The following HMMR variants were observed in gnomAD, a reference collection of about 807,000 sequenced individuals.
HMMR encodes hyaluronan mediated motility receptor.
HMMR carries 108 observed loss-of-function variants against 101.0 expected under a neutral mutation model. The ratio of observed to expected loss-of-function variants is 1.07; its 90% CI spans 0.92 to 1.25. HMMR has a LOEUF of 1.25. Ranked by LOEUF, HMMR falls within the 50% of genes most tolerant of loss-of-function variation. The pLI is 0.00. For missense variants in HMMR, 813 were observed against 788.7 expected (o/e 1.03, Z -0.37); for synonymous variants, 296 against 276.4 (o/e 1.07, Z -0.70).
At chr5:163,471,570 T>C (rs903062035) in intron 7 of HMMR, 107 bp downstream of exon 7, 2 of 670,218 alleles carry the variant, frequency 3.0e-6, no homozygotes, top group Non-Finnish European at 5.1e-6. Flanking sequence ...TTAGTACTTA[T>C]CTCATTGCCT....
intron 7 of HMMR, among the ~76,000 whole-genome samples, chr5:163,472,159 A>G (rs1163786429): frequency 2.0e-5 from 3 of 151,996 alleles, no homozygotes; most frequent in African/African-American, 4.8e-5. Flanking sequence ...AGTTATAGAC[A>G]TGGGCCACTA....
intron 7 of HMMR, 112 bp downstream of exon 7, chr5:163,471,575 T>C (rs1157169665): frequency 1.5e-6 from 1 of 659,960 alleles, no homozygotes; most frequent in Non-Finnish European, 2.6e-6. Flanking sequence ...ACTTATCTCA[T>C]TGCCTCCCTC....
At chr5:163,490,367 A>G (rs1759647712) in intron 16 of HMMR, 23 bp from the exon 17 acceptor site, 2 of 1,455,712 alleles carry the variant, frequency 1.4e-6, no homozygotes, top group South Asian at 2.5e-5. Flanking sequence ...ATTGTTTATT[A>G]CCTATTATTT....
Position 163,473,165 on chromosome 5 carries a change from A to C in HMMR, c.651-14A>C, listed in dbSNP as rs376818495. On this transcript the variant is annotated splice_polypyrimidine_tract_variant and intron_variant, in intron 7 of 17. Coordinates refer to ENST00000393915, the MANE Select transcript of HMMR (RefSeq NM_001142556.2). ...GAAACTAGAATGTATTAACATATGC[A>C]ATTTTTGTTTTAGTGTTTCAATAGA... 7.5e-6 allele frequency: 10 copies of C among 1,330,712 alleles called. No individual in the cohort carries two copies. The highest frequency in any genetic ancestry group is 7.1e-5 in the Admixed American group (4 of 56,666). 82.4% of individuals were successfully genotyped at this position (1,330,712 alleles called of 1,614,324 possible).
chr5:163,485,959 T>C (rs1759464077), intron 16 of HMMR, among the ~76,000 whole-genome samples: 1 of 152,224 alleles, frequency 6.6e-6, no homozygotes, highest in Admixed American at 6.5e-5. Context: ...ATTTAGACTG[T>C]ACATGTATGG....
chr5:163,474,183 A>T lies in HMMR; in HGVS notation c.1031A>T (p.Asp344Val), dbSNP rs1239734007. The change falls in exon 10 of 18, where the codon GAT (aspartate) becomes GTT (valine). Residue 344 changes from aspartate (D) to valine (V), a missense_variant. Transcript: ENST00000393915. ...CTTCAACAAAAAGAATTACAAATTG[A>T]TTCACTTCTGCAACAAGAGAAAGTA... ...EKLQQKELQI[D>V]SLLQQEKELS... The T allele has an allele frequency of 1.2e-6, 2 of 1,608,066 alleles. No individual in the cohort carries two copies. Among genetic ancestry groups the T allele is most frequent in the Admixed American group, 1.7e-5 (1 of 58,896 alleles).
At position 163,491,767 on chromosome 5, in the gene HMMR, C is replaced by T. The variant is rs1029215843; in HGVS notation, c.*603C>T. 2 of 152,180 alleles carry T rather than the reference C, an allele frequency of 1.3e-5. No individual in the cohort carries two copies. Among genetic ancestry groups the T allele is most frequent in the Non-Finnish European group, 1.5e-5 (1 of 68,038 alleles). 9.4% of individuals were successfully genotyped at this position (152,180 alleles called of 1,614,324 possible). A position where few individuals can be genotyped will look rare whatever the true frequency, so the allele number is the denominator to read the frequency against. Reference sequence around the variant, plus strand: ...ATCTGTGGATTGGCCTTTAAGCCTGCATTCTTAACAAACTCTTCAGTTAAT... The same window carrying T: ...ATCTGTGGATTGGCCTTTAAGCCTGTATTCTTAACAAACTCTTCAGTTAAT... On this transcript the variant is annotated 3_prime_UTR_variant, in exon 18 of 18. Coordinates refer to ENST00000393915, the MANE Select transcript of HMMR (RefSeq NM_001142556.2).
chr5:163,478,562 A>C, intron 11 of HMMR, 122 bp from the exon 12 acceptor site: 1 of 654,546 alleles, frequency 1.5e-6, no homozygotes, highest in South Asian at 1.8e-5. Context: ...GCTATTTAGC[A>C]GGTAATGCAG....
rs1432622615 is a variant in HMMR at position 163,483,059 on chromosome 5, A to G, written c.1572A>G (p.Glu524=). 1 of 1,612,582 alleles carries G rather than the reference A, an allele frequency of 6.2e-7. No individual in the cohort carries two copies. The highest frequency in any genetic ancestry group is 1.3e-5 in the African/African-American group (1 of 74,806). ...LDLQTKSALK[E]TEIKEITVSF... ...TGCAGACCAAGTCAGCACTAAAGGA[A>G]ACAGAAATTAAAGAAATCACAGTTT... The change falls in exon 14 of 18, where the codon GAA becomes GAG. Residue 524 remains glutamate, a synonymous_variant. Transcript: ENST00000393915.
chr5:163,461,101 A>T (rs926220901), intron 1 of HMMR, among the ~76,000 whole-genome samples: 1 of 152,198 alleles, frequency 6.6e-6, no homozygotes, highest in Non-Finnish European at 1.5e-5. Context: ...CTGGAGTATT[A>T]CTTGTAGTCT....
intron 16 of HMMR, among the ~76,000 whole-genome samples, chr5:163,485,299 G>A (rs186799617): frequency 9.9e-5 from 15 of 152,164 alleles, no homozygotes; most frequent in Middle Eastern, 3.4e-3. Flanking sequence ...TTCTACAGGC[G>A]GTGTACGAGG....
chr5:163,472,011 A>G (rs299282), intron 7 of HMMR, among the ~76,000 whole-genome samples: 15,549 of 151,570 alleles, frequency 0.1, 858 homozygotes, highest in Middle Eastern at 0.13. Context: ...TTACATCATC[A>G]TAAATTAGCT....
intron 16 of HMMR, among the ~76,000 whole-genome samples, chr5:163,487,071 A>G (rs1277771730): frequency 1.3e-5 from 2 of 152,224 alleles, no homozygotes; most frequent in African/African-American, 4.8e-5. Context: ...TAAAAAAAAC[A>G]AAGATGTCGA....
At chr5:163,473,709 C>T in intron 9 of HMMR, 152 bp downstream of exon 9, 1 of 544,220 alleles carries the variant, frequency 1.8e-6, no homozygotes, top group South Asian at 3.0e-5. Context: ...ACAGCAAAAA[C>T]CTGTACTGCA....
rs1013997641 is a variant in HMMR at position 163,464,753 on chromosome 5, A to T, written c.176A>T (p.Asp59Val). The stretch of plus-strand genomic sequence containing the variant: ...AAACAAAATCTTAATGTTGACAAAG[A>T]TACTACCTTGCCTGCTTCAGCTAGA... ...ESKQNLNVDK[D>V]TTLPASARKV... The change falls in exon 3 of 18, where the codon GAT becomes GTT. Residue 59 changes from aspartate (D) to valine (V), a missense_variant. Coordinates refer to ENST00000393915, the MANE Select transcript of HMMR (RefSeq NM_001142556.2). 6.2e-7 allele frequency: 1 copy of T among 1,613,026 alleles called. No homozygotes were observed. The highest frequency in any genetic ancestry group is 8.5e-7 in the Non-Finnish European group (1 of 1,179,100).
chr5:163,474,137 G>C lies in HMMR; in HGVS notation c.985G>C (p.Glu329Gln), dbSNP rs1000946454. 2.5e-6 allele frequency: 4 copies of C among 1,611,118 alleles called. No homozygotes were observed. The African/African-American group carries it at 4.0e-5, about 16-fold the overall frequency. The change falls in exon 10 of 18, where the codon GAA (glutamate) becomes CAA (glutamine). Residue 329 changes from glutamate (E) to glutamine (Q), a missense_variant. Transcript: ENST00000393915. ...AAACTTAAAACAGAAGTTTATTCTT[G>C]AACAACAGGAACGTGAAAAGCTTCA... is the stretch of plus-strand genomic sequence containing the variant. Reference protein sequence around the residue: ...MQNLKQKFILEQQEREKLQQK... With the variant: ...MQNLKQKFILQQQEREKLQQK...
chr5:163,478,658 A>T, intron 11 of HMMR, 26 bp from the exon 12 acceptor site: 1 of 1,379,064 alleles, frequency 7.3e-7, no homozygotes, highest in Non-Finnish European at 1.0e-6. Context: ...GTGGCATTTT[A>T]TCTTTCAATT....
rs1245948077 is a variant in HMMR at position 163,460,770 on chromosome 5, A to T, written c.46+32A>T. On this transcript the variant is annotated intron_variant, in intron 1 of 17. Transcript: ENST00000393915. ...AAGGGGGAAAGAGCTGGGGGACGGG[A>T]GACGCCCTAACGCCCTTTGCCTCTT... is the stretch of plus-strand genomic sequence containing the variant. 8 of 1,590,156 alleles carry T rather than the reference A, an allele frequency of 5.0e-6. No individual in the cohort carries two copies. The South Asian group carries it at 9.1e-5, about 18-fold the overall frequency.
chr5:163,490,367 A>T, intron 16 of HMMR, 23 bp from the exon 17 acceptor site: 1 of 1,455,712 alleles, frequency 6.9e-7, no homozygotes, highest in Non-Finnish European at 9.4e-7. Flanking sequence ...ATTGTTTATT[A>T]CCTATTATTT....
Sources: gnomAD v4.1 joint callset for allele counts (sites outside exome capture counted in the v4.1 genomes callset) on GRCh38, gnomAD v4.1.1 for gene constraint, MANE v1.5 for transcripts, NCBI Gene and HGNC (gene_info 2026-07-23, HGNC 2026-07-21) for gene names.